Variants in SYT1 observed in about 807,000 individuals in gnomAD.
SYT1 encodes the protein synaptotagmin-1.
In SYT1, 8 loss-of-function variants were observed where a neutral mutation model predicts 44.8. That is an observed-to-expected ratio of 0.18 (90% CI 0.10 to 0.32). The LOEUF is 0.32. Ranked by LOEUF, SYT1 falls within the 10% of genes least tolerant of loss-of-function variation. The pLI, the probability that SYT1 is intolerant of heterozygous loss-of-function variation, is 1.00. For missense variants in SYT1, 286 were observed against 509.3 expected (o/e 0.56, Z 4.22); for synonymous variants, 154 against 188.8 (o/e 0.82, Z 1.51).
chr12:78,941,796 T>C (rs1878391246), intron 1 of SYT1, among the ~76,000 whole-genome samples: 1 of 152,218 alleles, frequency 6.6e-6, no homozygotes, highest in Non-Finnish European at 1.5e-5. Context: ...TCAGTTCACC[T>C]GCCAAAAACA....
At chr12:79,386,008 G>C (rs1052115077) in intron 9 of SYT1, among the ~76,000 whole-genome samples, 5 of 152,164 alleles carry the variant, frequency 3.3e-5, no homozygotes, top group African/African-American at 1.2e-4. Flanking sequence ...GGCAGTGCTG[G>C]TGAATATCAT....
At chr12:78,970,074 CTCAG>C (rs1868339173) in intron 1 of SYT1, among the ~76,000 whole-genome samples, 2 of 152,082 alleles carry the variant, frequency 1.3e-5, no homozygotes. Context: ...TGGTAAAGAT[CTCAG>C]TCAGTCCACT....
Position 79,098,318 on chromosome 12 carries a change from C to T in SYT1, c.-18+50956C>T, listed in dbSNP as rs528276437. On this transcript the variant is annotated intron_variant, in intron 3 of 10. Transcript: ENST00000261205. Reference sequence around the variant, plus strand: ...CTAATAATTCTAAGTTACCTTGAACCTCTTTATTCCAGAATTCATCATCTA... The same window carrying T: ...CTAATAATTCTAAGTTACCTTGAACTTCTTTATTCCAGAATTCATCATCTA... 1.2e-4 allele frequency among the ~76,000 whole-genome samples: 19 copies of T among 152,090 alleles called. No homozygotes were observed. The South Asian group carries it at 3.7e-3, about 30-fold the overall frequency.
At chr12:78,948,842 C>T (rs936105148) in intron 1 of SYT1, among the ~76,000 whole-genome samples, 3 of 151,722 alleles carry the variant, frequency 2.0e-5, no homozygotes, top group African/African-American at 7.2e-5. Flanking sequence ...GTTTCCATAA[C>T]ATGCCCTGAT....
In SYT1 at chr12:79,429,182, T is replaced by C. The variant is rs566524378; in HGVS notation, c.929-14891T>C. 6.6e-5 allele frequency among the ~76,000 whole-genome samples: 10 copies of C among 152,258 alleles called. No homozygotes were observed. The East Asian group carries it at 1.4e-3, about 21-fold the overall frequency. On this transcript the variant is annotated intron_variant, in intron 9 of 10. Transcript: ENST00000261205. The stretch of plus-strand genomic sequence containing the variant: ...ATTTGGAGGGGACAAATATCCAAAC[T>C]ATATCACATATGTTAACAGTTGGAT...
At chr12:78,977,050 C>T (rs1868892168) in intron 1 of SYT1, among the ~76,000 whole-genome samples, 1 of 149,864 alleles carries the variant, frequency 6.7e-6, no homozygotes, top group South Asian at 2.1e-4. Flanking sequence ...ATAGGGAGTG[C>T]ATTAAAGAGA....
At chr12:78,965,629 G>A (rs908099476) in intron 1 of SYT1, among the ~76,000 whole-genome samples, 3 of 152,082 alleles carry the variant, frequency 2.0e-5, no homozygotes, top group Non-Finnish European at 4.4e-5. Flanking sequence ...GAAACAGGAG[G>A]CTTAATGGGG....
intron 3 of SYT1, among the ~76,000 whole-genome samples, chr12:79,068,547 T>C (rs888902399): frequency 6.6e-6 from 1 of 152,158 alleles, no homozygotes; most frequent in Non-Finnish European, 1.5e-5. Context: ...CTGCTTATAT[T>C]AATTCCTTTG....
chr12:78,917,832 C>T (rs1876757137), intron 1 of SYT1, among the ~76,000 whole-genome samples: 1 of 151,938 alleles, frequency 6.6e-6, no homozygotes, highest in African/African-American at 2.4e-5. Flanking sequence ...GCCTAAAACA[C>T]AAAATTTGTT....
chr12:78,968,643 A>G (rs1025997559), intron 1 of SYT1, among the ~76,000 whole-genome samples: 1 of 152,188 alleles, frequency 6.6e-6, no homozygotes, highest in Non-Finnish European at 1.5e-5. Context: ...CATTAGTTCA[A>G]CAAATGATTG....
intron 3 of SYT1, among the ~76,000 whole-genome samples, chr12:79,119,004 A>G (rs971086104): frequency 2.0e-5 from 3 of 152,106 alleles, no homozygotes; most frequent in East Asian, 1.9e-4. Flanking sequence ...CCTATTCTCT[A>G]TGTTTCCTGT....
intron 3 of SYT1, among the ~76,000 whole-genome samples, chr12:79,113,439 A>C (rs920922390): frequency 5.3e-5 from 8 of 152,126 alleles, no homozygotes; most frequent in African/African-American, 1.9e-4. Flanking sequence ...TTGACCAAAA[A>C]AATTCTTAGA....
At chr12:78,887,732 A>G (rs1874827190) in intron 1 of SYT1, among the ~76,000 whole-genome samples, 1 of 151,956 alleles carries the variant, frequency 6.6e-6, no homozygotes, top group Admixed American at 6.6e-5. Flanking sequence ...ATCCAAAATT[A>G]TATATCATAA....
chr12:79,309,519 T>G (rs553841532), intron 8 of SYT1, among the ~76,000 whole-genome samples: 1 of 152,254 alleles, frequency 6.6e-6, no homozygotes, highest in South Asian at 2.1e-4. Context: ...AAAGTTTGAG[T>G]TAAAAGTTGT....
intron 4 of SYT1, among the ~76,000 whole-genome samples, chr12:79,243,133 A>G (rs1250071554): frequency 1.3e-5 from 2 of 152,138 alleles, no homozygotes. Flanking sequence ...ACCAGCCCCC[A>G]TGATTCAATT....
intron 1 of SYT1, among the ~76,000 whole-genome samples, chr12:78,931,405 G>GAGGAAGGA (rs149496899): frequency 1.8e-4 from 17 of 92,112 alleles, no homozygotes; most frequent in African/African-American, 7.1e-4. Flanking sequence ...AGGGAGGAGA[G>GAGGAAGGA]AGGAAGGAAG....
intron 1 of SYT1, among the ~76,000 whole-genome samples, chr12:78,909,362 A>AT (rs896836616): frequency 1.3e-5 from 2 of 151,466 alleles, no homozygotes; most frequent in South Asian, 2.1e-4. Flanking sequence ...AAAATAATTT[A>AT]TTTTTTTTCT....
At chr12:78,876,734 A>G in intron 1 of SYT1, among the ~76,000 whole-genome samples, 1 of 94,280 alleles carries the variant, frequency 1.1e-5, no homozygotes, top group South Asian at 3.3e-4. Flanking sequence ...ATAATTATAT[A>G]TTATATATTA....
chr12:79,316,068 T>A (rs1565905345), intron 8 of SYT1, among the ~76,000 whole-genome samples: 1 of 152,202 alleles, frequency 6.6e-6, no homozygotes, highest in Non-Finnish European at 1.5e-5. Flanking sequence ...AGATGTTAAG[T>A]GTACAGTTCA....
Sources: gnomAD v4.1 joint callset for allele counts (sites outside exome capture counted in the v4.1 genomes callset) on GRCh38, gnomAD v4.1.1 for gene constraint, MANE v1.5 for transcripts, NCBI Gene and HGNC (gene_info 2026-07-23, HGNC 2026-07-21) for gene names.